GRIK1: variants seen among roughly 807,000 people sequenced by gnomAD.
GRIK1 encodes the protein glutamate ionotropic receptor kainate type subunit 1.
In GRIK1, 69 loss-of-function variants were observed where a neutral mutation model predicts 105.7. The ratio of observed to expected loss-of-function variants is 0.65; its 90% CI spans 0.54 to 0.80. The LOEUF is 0.80. Among genes scored for constraint, GRIK1 ranks in the 30% least tolerant of loss-of-function variants. The pLI is 0.00. For missense variants in GRIK1, 1,109 were observed against 1,167.3 expected, an observed-to-expected ratio of 0.95 and a Z score of 0.73; for synonymous variants, 438 against 431.3, an observed-to-expected ratio of 1.02 and a Z score of -0.19.
At chr21:29,874,679 G>T (rs62210283) in intron 1 of GRIK1, among the ~76,000 whole-genome samples, 1 of 152,206 alleles carries the variant, frequency 6.6e-6, no homozygotes, top group African/African-American at 2.4e-5. Flanking sequence ...AGAGAATAGA[G>T]TATGGACAAC....
At position 29,558,759 on chromosome 21, in the gene GRIK1, C is replaced by T. The variant is rs1333949169; in HGVS notation, c.2356+2865G>A. Among the ~76,000 whole-genome samples, 10 of 151,420 alleles carry T rather than the reference C, an allele frequency of 6.6e-5. 1 individual carries two copies. The South Asian group carries it at 1.5e-3, about 22-fold the overall frequency. ...ATGTATATTTAATATTAATGGTACT[C>T]AACACTAGGTCAGCTTCATTCGCAG... On this transcript the variant is annotated intron_variant, in intron 15 of 17. Coordinates refer to ENST00000327783, the MANE Select transcript of GRIK1 (RefSeq NM_001330994.2).
intron 1 of GRIK1, among the ~76,000 whole-genome samples, chr21:29,900,462 G>GAAAAAAAA (rs796090417): frequency 1.3e-5 from 1 of 76,934 alleles, no homozygotes. Context: ...TGGAAAGCAA[G>GAAAAAAAA]AAAAAAAAAA....
intron 13 of GRIK1, among the ~76,000 whole-genome samples, chr21:29,579,961 GTGTGTATA>G (rs1479011545): frequency 5.6e-5 from 8 of 142,042 alleles, no homozygotes; most frequent in African/African-American, 1.1e-4. Context: ...ATATATGTGT[GTGTGTATA>G]TATATATATA....
chr21:29,556,875 A>G (rs1396600174), intron 15 of GRIK1, among the ~76,000 whole-genome samples: 1 of 152,222 alleles, frequency 6.6e-6, no homozygotes, highest in East Asian at 1.9e-4. Flanking sequence ...TAAGCCACTG[A>G]AAATTTGCAG....
Position 29,598,954 on chromosome 21 carries a change from A to G in GRIK1, c.1099-17T>C, listed in dbSNP as rs781524557. 48 of 1,155,262 alleles carry G rather than the reference A, an allele frequency of 4.2e-5. No individual in the cohort carries two copies. Among genetic ancestry groups the G allele is most frequent in the Non-Finnish European group, 6.1e-5 (48 of 783,076 alleles). The allele number at this position is 1,155,262 out of a possible 1,614,324, so 71.6% of individuals were successfully genotyped here. A position where few individuals can be genotyped will look rare whatever the true frequency, so the allele number is the denominator to read the frequency against. On this transcript the variant is annotated splice_polypyrimidine_tract_variant and intron_variant, in intron 7 of 17. Coordinates refer to ENST00000327783, the MANE Select transcript of GRIK1 (RefSeq NM_001330994.2). ...CCACCGGGCCTGTGGACAAGAAGAA[A>G]TGTGGCTGTTATTGTTAAACATTTA...
Position 29,848,823 on chromosome 21 carries a change from C to T in GRIK1, c.118+90560G>A, listed in dbSNP as rs149069691. Among the ~76,000 whole-genome samples the T allele has an allele frequency of 7.7e-3, 966 of 125,586 alleles. 12 individuals are homozygous for T. Among genetic ancestry groups the T allele is most frequent in the African/African-American group, 0.026 (870 of 33,130 alleles). 82.4% of individuals were successfully genotyped at this position (125,586 alleles called of 152,430 possible). ...ATCTTCACCTTAGCTGTTTGGTATA[C>T]GTAAAATGTGTTTTTCCTAGTCCTT... On this transcript the variant is annotated intron_variant, in intron 1 of 17. Transcript: ENST00000327783.
intron 1 of GRIK1, among the ~76,000 whole-genome samples, chr21:29,869,316 A>T (rs149938862): frequency 1.2e-4 from 18 of 152,346 alleles, no homozygotes; most frequent in African/African-American, 4.3e-4. Context: ...CCGGGACCTA[A>T]ATACATACCA....
At chr21:29,916,158 A>G (rs1486327121) in intron 1 of GRIK1, among the ~76,000 whole-genome samples, 1 of 140,950 alleles carries the variant, frequency 7.1e-6, no homozygotes, top group African/African-American at 2.7e-5. Context: ...TTAGAAAATT[A>G]CACAGAATGC....
intron 1 of GRIK1, among the ~76,000 whole-genome samples, chr21:29,828,048 A>G (rs932901465): frequency 2.0e-5 from 3 of 149,102 alleles, no homozygotes; most frequent in African/African-American, 5.0e-5. Context: ...TGTGTGTCTA[A>G]TGAAACACAG....
At chr21:29,864,893 T>G (rs1270690812) in intron 1 of GRIK1, among the ~76,000 whole-genome samples, 1 of 152,156 alleles carries the variant, frequency 6.6e-6, no homozygotes, top group Non-Finnish European at 1.5e-5. Flanking sequence ...CTAAAGCCAT[T>G]ATTGATGGTC....
intron 14 of GRIK1, among the ~76,000 whole-genome samples, chr21:29,564,129 T>C (rs1381152840): frequency 6.6e-6 from 1 of 152,204 alleles, no homozygotes; most frequent in Non-Finnish European, 1.5e-5. Flanking sequence ...AAACATTAAA[T>C]TTTTTCACCA....
In GRIK1 at chr21:29,804,892, T is replaced by A. The variant is rs1270957918; in HGVS notation, c.119-110829A>T. Among the ~76,000 whole-genome samples the A allele has an allele frequency of 2.0e-5, 3 of 152,310 alleles. No individual in the cohort carries two copies. In the South Asian group the frequency reaches 6.2e-4, roughly 32 times the overall value. On this transcript the variant is annotated intron_variant, in intron 1 of 17. Transcript: ENST00000327783. ...CCTAAACTTTCATATGACTTCATTT[T>A]GCCCTCATAATAGTCTTATCAACTA...
chr21:29,825,919 A>T (rs1230185283), intron 1 of GRIK1, among the ~76,000 whole-genome samples: 1 of 152,008 alleles, frequency 6.6e-6, no homozygotes, highest in Non-Finnish European at 1.5e-5. Flanking sequence ...CCCCACACAA[A>T]CCTGCCTGGT....
At chr21:29,831,015 G>A (rs987699610) in intron 1 of GRIK1, among the ~76,000 whole-genome samples, 1 of 152,018 alleles carries the variant, frequency 6.6e-6, no homozygotes, top group African/African-American at 2.4e-5. Context: ...TTGTCTATAT[G>A]GACATTTTAA....
In GRIK1 at chr21:29,939,481, A is replaced by G. The variant is rs150042928; in HGVS notation, c.20T>C (p.Leu7Pro). 175 of 1,592,768 alleles carry G rather than the reference A, an allele frequency of 1.1e-4. No homozygotes were observed. Among genetic ancestry groups the G allele is most frequent in the Non-Finnish European group, 1.5e-4 (171 of 1,169,236 alleles). MEHGTLLAQPGLWTRDT... is the reference protein window; with the variant it reads MEHGTLPAQPGLWTRDT... ...CCTGGTCCAGAGCCCGGGCTGGGCGAGGAGTGTGCCGTGCTCCATCTTCCT... is the reference window on the plus strand; with the variant it reads ...CCTGGTCCAGAGCCCGGGCTGGGCGGGGAGTGTGCCGTGCTCCATCTTCCT... The change falls in exon 1 of 18, where the codon CTC becomes CCC. Residue 7 changes from leucine to proline, a missense_variant. This residue lies in a region of GRIK1 where 612 missense variants were observed against 586.0 expected (regional missense o/e 1.04). Coordinates refer to ENST00000327783, the MANE Select transcript of GRIK1 (RefSeq NM_001330994.2).
chr21:29,619,231 G>A (rs187700675), intron 7 of GRIK1, among the ~76,000 whole-genome samples: 177 of 152,018 alleles, frequency 1.2e-3, no homozygotes, highest in Non-Finnish European at 1.8e-3. Flanking sequence ...GAGGTCAGGA[G>A]ATCAAGACCA....
At chr21:29,908,158 C>G (rs547693997) in intron 1 of GRIK1, among the ~76,000 whole-genome samples, 1 of 151,374 alleles carries the variant, frequency 6.6e-6, no homozygotes, top group African/African-American at 2.4e-5. Flanking sequence ...TTTCTATAGC[C>G]GAAAAAAAGA....
chr21:29,924,262 G>A (rs185783562), intron 1 of GRIK1, among the ~76,000 whole-genome samples: 90 of 151,556 alleles, frequency 5.9e-4, no homozygotes, highest in Non-Finnish European at 8.7e-4. Flanking sequence ...GCTTGAACCC[G>A]GGAGGTGGAC....
chr21:29,885,468 T>C (rs1436406145), intron 1 of GRIK1, among the ~76,000 whole-genome samples: 1 of 152,028 alleles, frequency 6.6e-6, no homozygotes, highest in African/African-American at 2.4e-5. Context: ...TGATATAGAA[T>C]TGGTGGGAGT....
Sources: allele counts gnomAD v4.1 joint callset (sites outside exome capture counted in the v4.1 genomes callset), GRCh38; gene constraint gnomAD v4.1.1; regional missense constraint gnomAD v4.1.1; transcripts MANE v1.5; gene names NCBI Gene and HGNC (gene_info 2026-07-23, HGNC 2026-07-21).